The following SEMA3A variants were observed in gnomAD, a reference collection of about 807,000 sequenced individuals.
SEMA3A encodes the protein semaphorin 3A.
In SEMA3A, 29 loss-of-function variants were observed where a neutral mutation model predicts 97.9. The ratio of observed to expected loss-of-function variants is 0.30; its 90% CI spans 0.22 to 0.40. The LOEUF is 0.40. Among genes scored for constraint, SEMA3A ranks in the 10% least tolerant of loss-of-function variants. The pLI, the probability that SEMA3A is intolerant of heterozygous loss-of-function variation, is 1.00. For missense variants in SEMA3A, 763 were observed against 951.3 expected, an observed-to-expected ratio of 0.80 and a Z score of 2.60; for synonymous variants, 321 against 323.7, an observed-to-expected ratio of 0.99 and a Z score of 0.09.
chr7:84,021,552 T>C (rs1308802617), intron 6 of SEMA3A, among the ~76,000 whole-genome samples: 3 of 152,238 alleles, frequency 2.0e-5, no homozygotes, highest in African/African-American at 7.2e-5. Context: ...TTGTATGGTC[T>C]ATTGCCTTTT....
At chr7:84,226,882 T>G (rs1285134400) in intron 3 of SEMA3A, among the ~76,000 whole-genome samples, 2 of 152,068 alleles carry the variant, frequency 1.3e-5, no homozygotes, top group Admixed American at 6.6e-5. Flanking sequence ...CAGTTATCAT[T>G]GCCTATAATT....
chr7:84,154,415 C>T (rs1278570348), intron 1 of SEMA3A, among the ~76,000 whole-genome samples: 4 of 152,048 alleles, frequency 2.6e-5, no homozygotes, highest in Non-Finnish European at 4.4e-5. Flanking sequence ...CGATGGCTCA[C>T]GCCTGTAATC....
intron 4 of SEMA3A, among the ~76,000 whole-genome samples, chr7:84,068,361 C>T (rs1793613014): frequency 7.0e-6 from 1 of 142,018 alleles, no homozygotes; most frequent in South Asian, 2.3e-4. Flanking sequence ...CAGCATGGCA[C>T]ATGTATACAT....
At chr7:84,308,571 A>G (rs1190146312) in intron 2 of SEMA3A, among the ~76,000 whole-genome samples, 18 of 152,288 alleles carry the variant, frequency 1.2e-4, no homozygotes. Context: ...ATGGAGTTGA[A>G]GAGAGTGACA....
At chr7:84,178,459 T>C (rs1413087486) in intron 1 of SEMA3A, among the ~76,000 whole-genome samples, 1 of 151,730 alleles carries the variant, frequency 6.6e-6, no homozygotes, top group Non-Finnish European at 1.5e-5. Context: ...CCAAAAGAGG[T>C]AGATCTTTTA....
At chr7:84,188,884 T>C (rs1462907962) in intron 1 of SEMA3A, among the ~76,000 whole-genome samples, 1 of 151,886 alleles carries the variant, frequency 6.6e-6, no homozygotes, top group Admixed American at 6.6e-5. Context: ...TTTTAAGTAA[T>C]TCTTCTGTTT....
At chr7:84,109,402 T>C (rs1384456608) in intron 4 of SEMA3A, among the ~76,000 whole-genome samples, 2 of 152,220 alleles carry the variant, frequency 1.3e-5, no homozygotes, top group Non-Finnish European at 2.9e-5. Context: ...TGGTGAGATC[T>C]TGGGAATGTG....
intron 9 of SEMA3A, 151 bp downstream of exon 9, chr7:84,010,871 T>A: frequency 1.8e-6 from 1 of 562,720 alleles, no homozygotes; most frequent in South Asian, 2.9e-5. Context: ...TCTACGTAGA[T>A]CATAACTTCT....
intron 3 of SEMA3A, among the ~76,000 whole-genome samples, chr7:84,239,297 A>T (rs1799307201): frequency 6.6e-6 from 1 of 152,190 alleles, no homozygotes; most frequent in African/African-American, 2.4e-5. Context: ...GTAAAACATT[A>T]GGTGTTTTAT....
intron 4 of SEMA3A, among the ~76,000 whole-genome samples, chr7:84,088,241 G>A (rs538430077): frequency 6.6e-6 from 1 of 152,122 alleles, no homozygotes; most frequent in African/African-American, 2.4e-5. Flanking sequence ...GGATCACAAG[G>A]TCGGGAGATC....
chr7:84,312,513 G>T (rs1270551303), intron 2 of SEMA3A, among the ~76,000 whole-genome samples: 1 of 151,358 alleles, frequency 6.6e-6, no homozygotes, highest in East Asian at 1.9e-4. Context: ...AAATGTTTGA[G>T]TTTATTCATA....
intron 1 of SEMA3A, among the ~76,000 whole-genome samples, chr7:84,424,731 T>C (rs1241250816): frequency 1.0e-5 from 1 of 100,252 alleles, no homozygotes; most frequent in Non-Finnish European, 1.7e-5. Context: ...TATTTATATA[T>C]TATATATTTA....
intron 4 of SEMA3A, among the ~76,000 whole-genome samples, chr7:84,102,554 T>C (rs952303064): frequency 2.0e-5 from 3 of 150,190 alleles, no homozygotes; most frequent in African/African-American, 4.9e-5. Context: ...GAGTATCCTC[T>C]GGTGTGAATA....
At position 84,443,019 on chromosome 7, in the gene SEMA3A, T is replaced by C. The variant is rs1584328650; in HGVS notation, c.-246+49441A>G. Among the ~76,000 whole-genome samples the C allele has an allele frequency of 2.0e-5, 3 of 152,130 alleles. No homozygotes were observed. In the East Asian group the frequency reaches 5.8e-4, roughly 29 times the overall value. On this transcript the variant is annotated intron_variant, in intron 1 of 3. Coordinates refer to the SEMA3A transcript ENST00000424555. ...GGAAAAATAGACAATTATATGATAA[T>C]TGTTGAAGACTTCAATACACCCCTA...
intron 2 of SEMA3A, among the ~76,000 whole-genome samples, chr7:84,354,911 T>G (rs1252076311): frequency 6.6e-6 from 1 of 151,726 alleles, no homozygotes; most frequent in Admixed American, 6.6e-5. Flanking sequence ...GGTATCATTC[T>G]TCATATTATA....
intron 3 of SEMA3A, among the ~76,000 whole-genome samples, chr7:84,216,092 C>G (rs1407616046): frequency 6.6e-6 from 1 of 152,084 alleles, no homozygotes; most frequent in Non-Finnish European, 1.5e-5. Flanking sequence ...TTTTTATTGA[C>G]AGAGCCTCGC....
chr7:83,965,384 C>A (rs900873085), intron 15 of SEMA3A, among the ~76,000 whole-genome samples: 1 of 151,370 alleles, frequency 6.6e-6, no homozygotes, highest in Non-Finnish European at 1.5e-5. Context: ...GCCAGCATCT[C>A]CTTTATCAAC....
intron 3 of SEMA3A, among the ~76,000 whole-genome samples, chr7:84,276,945 T>G (rs952993906): frequency 5.3e-5 from 8 of 152,170 alleles, no homozygotes; most frequent in Admixed American, 5.2e-4. Context: ...TTTTATTAAC[T>G]AAATGTAAAA....
chr7:84,290,600 G>T (rs1800716508), intron 3 of SEMA3A, among the ~76,000 whole-genome samples: 1 of 151,960 alleles, frequency 6.6e-6, no homozygotes, highest in South Asian at 2.1e-4. Context: ...AACTCCCGTG[G>T]CATGGTAAGT....
Sources: gnomAD v4.1 joint callset for allele counts (sites outside exome capture counted in the v4.1 genomes callset) on GRCh38, gnomAD v4.1.1 for gene constraint, MANE v1.5 for transcripts, NCBI Gene and HGNC (gene_info 2026-07-23, HGNC 2026-07-21) for gene names.